Variants in ZDHHC21 observed in about 807,000 individuals in gnomAD.
The protein encoded by ZDHHC21 is zDHHC palmitoyltransferase 21.
Under a neutral mutation model 34.6 loss-of-function variants are expected in ZDHHC21, and 15 were observed. The ratio of observed to expected loss-of-function variants is 0.43; its 90% CI spans 0.29 to 0.67. ZDHHC21 has a LOEUF of 0.67. ZDHHC21 is among the 30% of genes least tolerant of loss of function. ZDHHC21 has a pLI of 0.14. For synonymous variants in ZDHHC21, 142 were observed against 101.8 expected, an observed-to-expected ratio of 1.40 and a Z score of -2.38; for missense variants, 344 against 327.7, an observed-to-expected ratio of 1.05 and a Z score of -0.38.
chr9:14,602,088 T>G, the ZDHHC21 span, among the ~76,000 whole-genome samples: 2 of 151,984 alleles, frequency 1.3e-5, no homozygotes, highest in Admixed American at 1.3e-4. Context: ...ATGGCAAGTG[T>G]ATATCTATGT....
At chr9:14,685,136 G>A (rs1174742050) in intron 2 of ZDHHC21, among the ~76,000 whole-genome samples, 1 of 151,826 alleles carries the variant, frequency 6.6e-6, no homozygotes, top group Non-Finnish European at 1.5e-5. Context: ...TCAGGACATA[G>A]GCATGGGCAA....
Position 14,693,331 on chromosome 9 carries a change from C to A in ZDHHC21, c.-327G>T. The A allele has an allele frequency of 2.4e-6, 1 of 413,168 alleles. No individual in the cohort carries two copies. The highest frequency in any genetic ancestry group is 4.8e-6 in the Non-Finnish European group (1 of 209,724). 25.6% of individuals were successfully genotyped at this position (413,168 alleles called of 1,614,324 possible). ...CCTCCGCCTCCTCCGGCGCCGCCGC[C>A]CAGGCCGGGCCGCTCTCCCCTTCCG... On this transcript the variant is annotated 5_prime_UTR_variant, in exon 1 of 10. Transcript: ENST00000380916.
In ZDHHC21 at chr9:14,693,335, G is replaced by A; in HGVS notation, c.-331C>T. ...CGCCTCCTCCGGCGCCGCCGCCCAG[G>A]CCGGGCCGCTCTCCCCTTCCGCTTC... On this transcript the variant is annotated 5_prime_UTR_variant, in exon 1 of 10. Coordinates refer to ENST00000380916, the MANE Select transcript of ZDHHC21 (RefSeq NM_178566.6). 2.4e-6 allele frequency: 1 copy of A among 412,224 alleles called. No individual in the cohort carries two copies. The highest frequency in any genetic ancestry group is 1.7e-5 in the South Asian group (1 of 60,124). The allele number at this position is 412,224 out of a possible 1,614,324, so 25.5% of individuals were successfully genotyped here.
chr9:14,662,466 T>C lies in ZDHHC21; in HGVS notation c.254-140A>G, dbSNP rs1022975049. The stretch of plus-strand genomic sequence containing the variant: ...TTTTCTTCTAAGCCTTTGGTATAAA[T>C]GTGTTTGCCATAAATGCTGCTGTTC... On this transcript the variant is annotated intron_variant, in intron 5 of 9. Coordinates refer to ENST00000380916, the MANE Select transcript of ZDHHC21 (RefSeq NM_178566.6). 4 of 589,504 alleles carry C rather than the reference T, an allele frequency of 6.8e-6. No homozygotes were observed. In the Admixed American group the frequency reaches 1.0e-4, roughly 15 times the overall value. The allele number at this position is 589,504 out of a possible 1,614,324, so 36.5% of individuals were successfully genotyped here. A position where few individuals can be genotyped will look rare whatever the true frequency, so the allele number is the denominator to read the frequency against.
At chr9:14,637,338 C>T (rs954371415) in intron 8 of ZDHHC21, among the ~76,000 whole-genome samples, 1 of 151,942 alleles carries the variant, frequency 6.6e-6, no homozygotes, top group Non-Finnish European at 1.5e-5. Flanking sequence ...CCTACCACAA[C>T]TGAATTGGGT....
At position 14,674,151 on chromosome 9, in the gene ZDHHC21, A is replaced by G. The variant is rs781069381; in HGVS notation, c.154+36T>C. On this transcript the variant is annotated intron_variant, in intron 4 of 9. Coordinates refer to ENST00000380916, the MANE Select transcript of ZDHHC21 (RefSeq NM_178566.6). ...CCCAAAAACGTTTACAATGAGAAAA[A>G]TAATTATACAAGAAAATAAAGATCA... The G allele has an allele frequency of 4.9e-6, 7 of 1,418,074 alleles. No individual in the cohort carries two copies. In the East Asian group the frequency reaches 1.8e-4, roughly 37 times the overall value. The allele number at this position is 1,418,074 out of a possible 1,614,324, so 87.8% of individuals were successfully genotyped here.
chr9:14,624,350 A>G (rs1825847543), intron 8 of ZDHHC21, among the ~76,000 whole-genome samples: 1 of 152,080 alleles, frequency 6.6e-6, no homozygotes, highest in Non-Finnish European at 1.5e-5. Flanking sequence ...ATTCAAAGGA[A>G]TAAAATCAGT....
intron 8 of ZDHHC21, among the ~76,000 whole-genome samples, chr9:14,626,377 A>G (rs935752590): frequency 1.3e-5 from 2 of 151,986 alleles, no homozygotes; most frequent in Non-Finnish European, 2.9e-5. Context: ...ATTGTTAGTA[A>G]AAGGAAAACC....
At chr9:14,607,250 C>T (rs1169930965), downstream of ZDHHC21, among the ~76,000 whole-genome samples, 1 of 151,950 alleles carries the variant, frequency 6.6e-6, no homozygotes, top group Non-Finnish European at 1.5e-5. Flanking sequence ...GAGTTGCAGA[C>T]CAGCCTGGGC....
intron 8 of ZDHHC21, among the ~76,000 whole-genome samples, chr9:14,627,677 G>A (rs1331542531): frequency 6.6e-6 from 1 of 152,144 alleles, no homozygotes; most frequent in Non-Finnish European, 1.5e-5. Flanking sequence ...TCAGAGCAGT[G>A]TCATGGTACA....
rs1327438393 is a variant in ZDHHC21, at chr9:14,693,395, G to T, written c.-391C>A. 1 of 326,108 alleles carries T rather than the reference G, an allele frequency of 3.1e-6. No individual in the cohort carries two copies. Among genetic ancestry groups the T allele is most frequent in the Admixed American group, 4.7e-5 (1 of 21,462 alleles). The allele number at this position is 326,108 out of a possible 1,614,324, so 20.2% of individuals were successfully genotyped here. A position where few individuals can be genotyped will look rare whatever the true frequency, so the allele number is the denominator to read the frequency against. On this transcript the variant is annotated 5_prime_UTR_variant, in exon 1 of 10. Transcript: ENST00000380916. Reference sequence around the variant, plus strand: ...GAGGGCCTGGACCGGCCGAGTGGGTGTCCGCATGCCCGCGCGCCCGCGTGG... The same window carrying T: ...GAGGGCCTGGACCGGCCGAGTGGGTTTCCGCATGCCCGCGCGCCCGCGTGG...
At chr9:14,629,841 GATCGATACC>G (rs1249767737) in intron 8 of ZDHHC21, among the ~76,000 whole-genome samples, 1 of 152,072 alleles carries the variant, frequency 6.6e-6, no homozygotes, top group Non-Finnish European at 1.5e-5. Flanking sequence ...GAGGTCAAGC[GATCGATACC>G]ATCCTGGCCA....
At chr9:14,598,729 T>A in the ZDHHC21 span, among the ~76,000 whole-genome samples, 1 of 151,992 alleles carries the variant, frequency 6.6e-6, no homozygotes, top group Non-Finnish European at 1.5e-5. Flanking sequence ...GAGAAATATA[T>A]TTTTTATTAT....
At chr9:14,646,029 G>A (rs1459828718) in intron 7 of ZDHHC21, among the ~76,000 whole-genome samples, 1 of 151,960 alleles carries the variant, frequency 6.6e-6, no homozygotes, top group African/African-American at 2.4e-5. Flanking sequence ...CTTAACCTTC[G>A]AACACCAGCA....
intron 7 of ZDHHC21, among the ~76,000 whole-genome samples, chr9:14,642,275 C>G (rs892080824): frequency 5.9e-5 from 9 of 152,280 alleles, no homozygotes; most frequent in East Asian, 1.9e-4. Flanking sequence ...ATCATCAGCA[C>G]TAAATCCATA....
At chr9:14,686,162 C>A (rs550546573) in intron 2 of ZDHHC21, among the ~76,000 whole-genome samples, 1 of 151,370 alleles carries the variant, frequency 6.6e-6, no homozygotes, top group Admixed American at 6.6e-5. Context: ...ATGTAACAAA[C>A]CTGCATGTTG....
chr9:14,670,350 C>A (rs1258001795), intron 5 of ZDHHC21, among the ~76,000 whole-genome samples: 1 of 152,100 alleles, frequency 6.6e-6, no homozygotes, highest in Non-Finnish European at 1.5e-5. Context: ...ATCCAGTCTA[C>A]CACCTGTTTC....
rs145428329 is a variant in ZDHHC21, at chr9:14,686,668, A to G, written c.-176+3669T>C. ...GTTGCACCTTTGCTTTTTAGAGACTAAACACAGAATTACAAAGTTAAAGTC... is the reference window on the plus strand; with the variant it reads ...GTTGCACCTTTGCTTTTTAGAGACTGAACACAGAATTACAAAGTTAAAGTC... On this transcript the variant is annotated intron_variant, in intron 2 of 9. Transcript: ENST00000380916. Among the ~76,000 whole-genome samples the G allele has an allele frequency of 2.5e-3, 376 of 152,238 alleles. 3 individuals are homozygous for G. Among genetic ancestry groups the G allele is most frequent in the Middle Eastern group, 0.01 (3 of 294 alleles).
At chr9:14,692,445 A>AT (rs906451332) in intron 1 of ZDHHC21, among the ~76,000 whole-genome samples, 6 of 151,648 alleles carry the variant, frequency 4.0e-5, no homozygotes, top group African/African-American at 7.3e-5. Context: ...AATGACCTTG[A>AT]TTTTTTTTTC....
Sources: allele counts gnomAD v4.1 joint callset (sites outside exome capture counted in the v4.1 genomes callset), GRCh38; gene constraint gnomAD v4.1.1; transcripts MANE v1.5; gene names NCBI Gene and HGNC (gene_info 2026-07-23, HGNC 2026-07-21).